The following PDZRN4 variants were observed in gnomAD, a reference collection of about 807,000 sequenced individuals.
The protein encoded by PDZRN4 is PDZ domain-containing RING finger protein 4.
A neutral mutation model predicts 99.0 loss-of-function variants in PDZRN4; 70 were observed. The ratio of observed to expected loss-of-function variants is 0.71; its 90% CI spans 0.58 to 0.86. The LOEUF is 0.86. Ranked by LOEUF, PDZRN4 falls within the 40% of genes least tolerant of loss-of-function variation. The pLI is 0.00. For synonymous variants in PDZRN4, 551 were observed against 501.6 expected (o/e 1.10, Z -1.32); for missense variants, 1,474 against 1,331.2 (o/e 1.11, Z -1.67).
intron 5 of PDZRN4, among the ~76,000 whole-genome samples, chr12:41,519,670 G>C (rs1025417028): frequency 6.6e-6 from 1 of 151,872 alleles, no homozygotes; most frequent in Non-Finnish European, 1.5e-5. Context: ...GAACGTGAGG[G>C]GTCTTAGCCC....
chr12:41,534,491 T>A (rs747035176), intron 5 of PDZRN4, among the ~76,000 whole-genome samples: 1 of 152,076 alleles, frequency 6.6e-6, no homozygotes, highest in Non-Finnish European at 1.5e-5. Context: ...TTCCCCTCCC[T>A]GTGTCCATGT....
At chr12:41,433,825 T>C (rs917052730) in intron 3 of PDZRN4, among the ~76,000 whole-genome samples, 1 of 152,230 alleles carries the variant, frequency 6.6e-6, no homozygotes, top group African/African-American at 2.4e-5. Flanking sequence ...GGATGAGACA[T>C]AGGCACAGCC....
intron 3 of PDZRN4, among the ~76,000 whole-genome samples, chr12:41,351,590 A>G (rs1435563315): frequency 6.6e-6 from 1 of 151,796 alleles, no homozygotes; most frequent in Non-Finnish European, 1.5e-5. Flanking sequence ...GAGAGAGAGA[A>G]CGGGGAGGTG....
intron 5 of PDZRN4, among the ~76,000 whole-genome samples, chr12:41,511,183 A>C (rs999100234): frequency 6.6e-6 from 1 of 152,072 alleles, no homozygotes; most frequent in Admixed American, 6.6e-5. Flanking sequence ...TGGATGCCTT[A>C]AAGCTTTATT....
intron 3 of PDZRN4, among the ~76,000 whole-genome samples, chr12:41,442,326 G>A (rs1045725657): frequency 2.0e-5 from 3 of 151,990 alleles, no homozygotes; most frequent in African/African-American, 7.3e-5. Flanking sequence ...TTATTCAAAT[G>A]TCTCCTTGTG....
intron 3 of PDZRN4, among the ~76,000 whole-genome samples, chr12:41,211,217 C>T (rs1950886235): frequency 6.6e-6 from 1 of 151,862 alleles, no homozygotes; most frequent in South Asian, 2.1e-4. Context: ...TCCCTTTTGT[C>T]CCTGAGGGGG....
intron 5 of PDZRN4, among the ~76,000 whole-genome samples, chr12:41,546,797 G>A (rs139671083): frequency 1.9e-4 from 29 of 152,324 alleles, no homozygotes; most frequent in Admixed American, 3.9e-4. Flanking sequence ...GAGTGGGAAT[G>A]CAAGAGCATT....
intron 5 of PDZRN4, among the ~76,000 whole-genome samples, chr12:41,520,619 GACACACACACACACAC>G (rs10580466): frequency 2.0e-4 from 28 of 137,324 alleles, no homozygotes; most frequent in South Asian, 4.9e-4. Context: ...CCTAAATACA[GACACACACACACACAC>G]ACACACACAC....
chr12:41,345,696 T>C (rs1417858855), intron 3 of PDZRN4, among the ~76,000 whole-genome samples: 1 of 152,154 alleles, frequency 6.6e-6, no homozygotes, highest in East Asian at 1.9e-4. Flanking sequence ...AGTGTTTTTA[T>C]CCAGGAAGCA....
At chr12:41,194,639 G>A (rs575549354) in intron 3 of PDZRN4, among the ~76,000 whole-genome samples, 206 of 152,158 alleles carry the variant, frequency 1.4e-3, no homozygotes, top group Middle Eastern at 3.4e-3. Flanking sequence ...AGAGCAAGAC[G>A]CTGCCTCCAA....
chr12:41,294,721 C>G (rs999468702), intron 3 of PDZRN4, among the ~76,000 whole-genome samples: 4 of 152,002 alleles, frequency 2.6e-5, no homozygotes, highest in African/African-American at 9.7e-5. Context: ...CAGAGCTTTG[C>G]ATACTATAAA....
At chr12:41,297,679 A>G (rs968576013) in intron 3 of PDZRN4, among the ~76,000 whole-genome samples, 2 of 152,188 alleles carry the variant, frequency 1.3e-5, no homozygotes, top group African/African-American at 4.8e-5. Flanking sequence ...CTTCAGTGGA[A>G]AGGGGAGAAT....
chr12:41,498,576 A>G (rs545973685), intron 3 of PDZRN4, among the ~76,000 whole-genome samples: 21 of 152,238 alleles, frequency 1.4e-4, no homozygotes, highest in African/African-American at 4.8e-4. Flanking sequence ...TCATGTGATA[A>G]TAGCATTAAT....
chr12:41,362,302 A>G (rs1951969263), intron 3 of PDZRN4, among the ~76,000 whole-genome samples: 1 of 151,940 alleles, frequency 6.6e-6, no homozygotes, highest in Non-Finnish European at 1.5e-5. Flanking sequence ...TTTTTTTTAT[A>G]CTTCTCAATG....
At position 41,573,359 on chromosome 12, in the gene PDZRN4, A is replaced by G; in HGVS notation, c.2580A>G (p.Lys860=). 2 of 1,613,362 alleles carry G rather than the reference A, an allele frequency of 1.2e-6. No individual in the cohort carries two copies. ...YQSYMQLIQQ[K]SAVEYAQSQL... ...GCTACATGCAGTTAATTCAACAGAA[A>G]TCTGCAGTCGAGTATGCTCAGAGTC... The change falls in exon 10 of 10, where the codon AAA becomes AAG. Residue 860 remains lysine, a synonymous_variant. Transcript: ENST00000402685.
chr12:41,243,515 G>A (rs919579570), intron 3 of PDZRN4, among the ~76,000 whole-genome samples: 6 of 152,164 alleles, frequency 3.9e-5, no homozygotes, highest in Non-Finnish European at 7.4e-5. Flanking sequence ...ATTCATGCAA[G>A]TGATATCACG....
At chr12:41,260,527 T>A (rs971468026) in intron 3 of PDZRN4, among the ~76,000 whole-genome samples, 4 of 152,164 alleles carry the variant, frequency 2.6e-5, no homozygotes, top group African/African-American at 9.7e-5. Context: ...AAAATTATAT[T>A]TTTTACATAA....
rs79229373 is a variant in PDZRN4, at chr12:41,564,684, G to A, written c.1467+1035G>A. Among the ~76,000 whole-genome samples the A allele has an allele frequency of 8.5e-3, 1,294 of 152,088 alleles. 25 individuals carry two copies. Among genetic ancestry groups the A allele is most frequent in the African/African-American group, 0.029 (1,220 of 41,466 alleles). On this transcript the variant is annotated intron_variant, in intron 8 of 9. Coordinates refer to ENST00000402685, the MANE Select transcript of PDZRN4 (RefSeq NM_001164595.2). ...TTCTCATAAAGTCTGCCATAGCCTG[G>A]GGCAGAGTAAAGTTACACACCTGAG...
intron 3 of PDZRN4, among the ~76,000 whole-genome samples, chr12:41,371,228 T>TA (rs1260345784): frequency 6.6e-6 from 1 of 151,198 alleles, no homozygotes; most frequent in African/African-American, 2.4e-5. Context: ...CACTACTTTT[T>TA]ATGTTAAATT....
Sources: allele counts gnomAD v4.1 joint callset (sites outside exome capture counted in the v4.1 genomes callset), GRCh38; gene constraint gnomAD v4.1.1; transcripts MANE v1.5; gene names NCBI Gene and HGNC (gene_info 2026-07-23, HGNC 2026-07-21).